CLIC6: variants seen among roughly 807,000 people sequenced by gnomAD.
The protein encoded by CLIC6 is chloride intracellular channel protein 6.
Under a neutral mutation model 49.2 loss-of-function variants are expected in CLIC6, and 39 were observed. That is an observed-to-expected ratio of 0.79 (90% CI 0.61 to 1.04). The LOEUF (loss-of-function observed/expected upper bound fraction) is 1.04, where lower values mean the gene tolerates loss of function less well. CLIC6 is among the 50% of genes least tolerant of loss of function. CLIC6 has a pLI of 0.00. For missense variants in CLIC6, 988 were observed against 993.1 expected, an observed-to-expected ratio of 0.99 and a Z score of 0.07; for synonymous variants, 446 against 433.4, an observed-to-expected ratio of 1.03 and a Z score of -0.36.
rs10541127 is a variant in CLIC6 at position 34,716,862 on chromosome 21, T to TCA, written c.*417_*418dup. The TCA allele has an allele frequency of 0.14, 18,036 of 131,314 alleles. 1,230 individuals carry two copies. The highest frequency in any genetic ancestry group is 0.17 in the Non-Finnish European group (10,785 of 64,746). The allele number at this position is 131,314 out of a possible 1,614,324, so 8.1% of individuals were successfully genotyped here. A position where few individuals can be genotyped will look rare whatever the true frequency, so the allele number is the denominator to read the frequency against. ...CTCTCTCTCTCTCTCTCTCTCTCTA[T>TCA]CACACACACACACACACACACACAC... is the stretch of plus-strand genomic sequence containing the variant. On this transcript the variant is annotated 3_prime_UTR_variant, in exon 6 of 6. Coordinates refer to ENST00000349499, the MANE Select transcript of CLIC6 (RefSeq NM_053277.3).
intron 1 of CLIC6, among the ~76,000 whole-genome samples, chr21:34,679,870 G>A (rs924444413): frequency 6.6e-6 from 1 of 152,324 alleles, no homozygotes; most frequent in African/African-American, 2.4e-5. Context: ...GGCTTTGCAG[G>A]GTACAGCATC....
intron 1 of CLIC6, among the ~76,000 whole-genome samples, chr21:34,692,511 G>A (rs1249938039): frequency 2.6e-5 from 4 of 152,172 alleles, no homozygotes; most frequent in Admixed American, 6.5e-5. Context: ...TCTTTTAAAA[G>A]GAAGTGTTCT....
At chr21:34,701,144 T>C (rs925937699) in intron 1 of CLIC6, among the ~76,000 whole-genome samples, 10 of 143,858 alleles carry the variant, frequency 7.0e-5, no homozygotes, top group African/African-American at 2.4e-4. Context: ...CTACTAAAAA[T>C]ACAAAAAATT....
intron 1 of CLIC6, chr21:34,705,922 A>G (rs1384440184): frequency 3.9e-6 from 2 of 512,728 alleles, no homozygotes. Context: ...TTGGAGGAAC[A>G]TGTTAAAAAT....
At chr21:34,695,538 G>A (rs966770189) in intron 1 of CLIC6, among the ~76,000 whole-genome samples, 2 of 152,196 alleles carry the variant, frequency 1.3e-5, no homozygotes, top group Non-Finnish European at 2.9e-5. Context: ...TTCTGTCATG[G>A]TCATTCCAGG....
At chr21:34,711,560 T>A (rs1360824607) in intron 5 of CLIC6, among the ~76,000 whole-genome samples, 1 of 141,048 alleles carries the variant, frequency 7.1e-6, no homozygotes, top group African/African-American at 2.7e-5. Context: ...AATAAATAAA[T>A]AAATAAATAA....
chr21:34,692,658 A>C (rs916534347), intron 1 of CLIC6, among the ~76,000 whole-genome samples: 1 of 152,252 alleles, frequency 6.6e-6, no homozygotes, highest in Non-Finnish European at 1.5e-5. Context: ...GAGAAGTTTC[A>C]TATATTGGTC....
At chr21:34,694,003 T>C (rs59318424) in intron 1 of CLIC6, among the ~76,000 whole-genome samples, 2,135 of 149,944 alleles carry the variant, frequency 0.014, 58 homozygotes, top group African/African-American at 0.051. Context: ...GACGGAGTCT[T>C]GCTCTGTCGC....
At chr21:34,694,585 A>G (rs776466457) in intron 1 of CLIC6, among the ~76,000 whole-genome samples, 1 of 152,128 alleles carries the variant, frequency 6.6e-6, no homozygotes, top group Non-Finnish European at 1.5e-5. Context: ...CTCCTTCTCC[A>G]GCCATGTAGG....
rs562531201 is a variant in CLIC6, at chr21:34,683,282, G to A, written c.1374+12520G>A. 1.5e-4 allele frequency among the ~76,000 whole-genome samples: 23 copies of A among 152,226 alleles called. No individual in the cohort carries two copies. The East Asian group carries it at 2.1e-3, about 14-fold the overall frequency. ...CCCATCTTCAGATGTAAGATATATCGCTTTGATCTTTGCATAATATCTACT... is the reference window on the plus strand; with the variant it reads ...CCCATCTTCAGATGTAAGATATATCACTTTGATCTTTGCATAATATCTACT... On this transcript the variant is annotated intron_variant, in intron 1 of 5. Coordinates refer to ENST00000349499, the MANE Select transcript of CLIC6 (RefSeq NM_053277.3).
intron 1 of CLIC6, among the ~76,000 whole-genome samples, chr21:34,678,530 C>T (rs181823240): frequency 3.4e-4 from 51 of 151,788 alleles, no homozygotes; most frequent in African/African-American, 1.1e-3. Flanking sequence ...AATTGGAGTT[C>T]GATTTAGAAG....
chr21:34,707,240 T>C, intron 1 of CLIC6, 40 bp from the exon 2 acceptor site: 1 of 1,461,496 alleles, frequency 6.8e-7, no homozygotes, highest in Non-Finnish European at 9.6e-7. Context: ...CTTATAATTG[T>C]GAGACTGGCT....
chr21:34,673,292 T>A (rs74814002), intron 1 of CLIC6, among the ~76,000 whole-genome samples: 4,695 of 152,046 alleles, frequency 0.031, 245 homozygotes, highest in African/African-American at 0.11. Context: ...TTAACTTTTT[T>A]ATTTTTTTTT....
At chr21:34,697,968 G>C (rs1402226103) in intron 1 of CLIC6, among the ~76,000 whole-genome samples, 1 of 152,142 alleles carries the variant, frequency 6.6e-6, no homozygotes, top group East Asian at 1.9e-4. Flanking sequence ...AGGCCTGTGA[G>C]GACAGGGTTT....
In CLIC6 at chr21:34,677,597, C is replaced by G. The variant is rs557584178; in HGVS notation, c.1374+6835C>G. Among the ~76,000 whole-genome samples, 56 of 152,228 alleles carry G rather than the reference C, an allele frequency of 3.7e-4. No individual in the cohort carries two copies. The South Asian group carries it at 3.7e-3, about 10-fold the overall frequency. On this transcript the variant is annotated intron_variant, in intron 1 of 5. Transcript: ENST00000349499. ...TCCCTGTATCATCAAAAAATGGATG[C>G]CTTAGTCTTAAGCACCAAATCCTGA...
intron 1 of CLIC6, among the ~76,000 whole-genome samples, chr21:34,702,374 G>A (rs1433872707): frequency 6.6e-6 from 1 of 152,110 alleles, no homozygotes; most frequent in Non-Finnish European, 1.5e-5. Flanking sequence ...GGGGGCGCAG[G>A]CTGGGGGCGT....
rs995201130 is a variant in CLIC6 at position 34,670,661 on chromosome 21, G to C, written c.1273G>C (p.Gly425Arg). 1 of 1,568,682 alleles carries C rather than the reference G, an allele frequency of 6.4e-7. No individual in the cohort carries two copies. Among genetic ancestry groups the C allele is most frequent in the Non-Finnish European group, 8.6e-7 (1 of 1,160,228 alleles). The change falls in exon 1 of 6, where the codon GGT (glycine) becomes CGT (arginine). Residue 425 changes from glycine (G) to arginine (R), a missense_variant. Physicochemically the swap from Gly to Arg is moderately radical, Grantham distance 125. Transcript: ENST00000349499. ...NHLAEEGPAE[G>R]SGEAARVNGR... ...CCTGGCCGAGGAGGGCCCCGCCGAG[G>C]GTAGCGGCGAGGCCGCGCGCGTGAA...
At chr21:34,693,186 A>G (rs1423160979) in intron 1 of CLIC6, among the ~76,000 whole-genome samples, 1 of 152,202 alleles carries the variant, frequency 6.6e-6, no homozygotes, top group Non-Finnish European at 1.5e-5. Flanking sequence ...TCTTTTGTGA[A>G]GTCTAGGAGG....
At chr21:34,712,704 G>A (rs2056064520) in intron 5 of CLIC6, among the ~76,000 whole-genome samples, 1 of 152,170 alleles carries the variant, frequency 6.6e-6, no homozygotes, top group South Asian at 2.1e-4. Flanking sequence ...AGGAAAGGAG[G>A]GAAGTGGCAT....
Sources: gnomAD v4.1 joint callset for allele counts (sites outside exome capture counted in the v4.1 genomes callset) on GRCh38, gnomAD v4.1.1 for gene constraint, MANE v1.5 for transcripts, NCBI Gene and HGNC (gene_info 2026-07-23, HGNC 2026-07-21) for gene names.